ASTN2: variants seen among roughly 807,000 people sequenced by gnomAD.
ASTN2 encodes astrotactin 2.
In ASTN2, 54 loss-of-function variants were observed where a neutral mutation model predicts 139.8. The observed-to-expected ratio is 0.39, with a 90% CI of 0.31 to 0.48. The LOEUF is 0.48. Ranked by LOEUF, ASTN2 falls within the 20% of genes least tolerant of loss-of-function variation. The probability of loss-of-function intolerance (pLI) is 0.95; values close to 1 mark genes in which losing one functional copy is unlikely to be tolerated. For synonymous variants in ASTN2, 756 were observed against 719.5 expected (o/e 1.05, Z -0.81); for missense variants, 1,565 against 1,725.1 (o/e 0.91, Z 1.64).
chr9:117,020,002 CTG>C (rs57575432), intron 6 of ASTN2, among the ~76,000 whole-genome samples: 27,419 of 140,490 alleles, frequency 0.2, 2,290 homozygotes, highest in South Asian at 0.26. Context: ...TTCAGGGTTT[CTG>C]TGTGTGTGTG....
chr9:117,196,361 C>A (rs2132979959), intron 3 of ASTN2, among the ~76,000 whole-genome samples: 1 of 152,224 alleles, frequency 6.6e-6, no homozygotes, highest in Non-Finnish European at 1.5e-5. Flanking sequence ...TCCTTCCATC[C>A]ATCTTCTACT....
intron 16 of ASTN2, among the ~76,000 whole-genome samples, chr9:116,655,873 TTTGTTGTTG>T (rs1554726447): frequency 6.6e-6 from 1 of 151,362 alleles, no homozygotes; most frequent in African/African-American, 2.4e-5. Flanking sequence ...TCTTGTGTTT[TTTGTTGTTG>T]TTGTTGTTGT....
At chr9:116,451,569 G>A (rs1342355596) in intron 20 of ASTN2, among the ~76,000 whole-genome samples, 1 of 152,044 alleles carries the variant, frequency 6.6e-6, no homozygotes, top group East Asian at 1.9e-4. Context: ...ATGTATTCTT[G>A]CCCCTATGTT....
At chr9:117,000,470 C>G (rs1837163419) in intron 7 of ASTN2, among the ~76,000 whole-genome samples, 1 of 152,220 alleles carries the variant, frequency 6.6e-6, no homozygotes. Context: ...ATTTACAGAA[C>G]TTGGTGTGAT....
At chr9:117,373,986 A>T (rs1004610518) in intron 1 of ASTN2, among the ~76,000 whole-genome samples, 4 of 152,122 alleles carry the variant, frequency 2.6e-5, no homozygotes, top group African/African-American at 9.6e-5. Flanking sequence ...AATTTTTTAC[A>T]ACATCAAATG....
intron 22 of ASTN2, among the ~76,000 whole-genome samples, chr9:116,436,460 A>T (rs989998509): frequency 6.6e-6 from 1 of 152,166 alleles, no homozygotes; most frequent in East Asian, 1.9e-4. Context: ...TCAACAACTA[A>T]TTATTTAGCA....
intron 19 of ASTN2, chr9:116,504,312 A>G (rs1001788979): frequency 6.6e-6 from 1 of 152,170 alleles, no homozygotes; most frequent in East Asian, 1.9e-4. Context: ...GTGCGACTGC[A>G]TCTGACATCG....
chr9:116,495,654 C>T (rs1404589560), intron 19 of ASTN2, among the ~76,000 whole-genome samples: 1 of 152,084 alleles, frequency 6.6e-6, no homozygotes, highest in Non-Finnish European at 1.5e-5. Context: ...TTTATGATTG[C>T]CATTTTATAA....
chr9:116,893,159 TCACACACACACA>T (rs56263614), intron 10 of ASTN2, among the ~76,000 whole-genome samples: 12 of 149,344 alleles, frequency 8.0e-5, no homozygotes, highest in East Asian at 4.0e-4. Flanking sequence ...TAAAGGTGTA[TCACACACACACA>T]CACACACACA....
intron 19 of ASTN2, among the ~76,000 whole-genome samples, chr9:116,497,332 T>C (rs1187398142): frequency 6.6e-6 from 1 of 152,160 alleles, no homozygotes; most frequent in Non-Finnish European, 1.5e-5. Flanking sequence ...CTTGTTAGCC[T>C]CACTGTTCAA....
chr9:117,227,946 T>A (rs571595895), intron 2 of ASTN2, among the ~76,000 whole-genome samples: 2 of 152,292 alleles, frequency 1.3e-5, no homozygotes, highest in Admixed American at 1.3e-4. Context: ...TATTACTATA[T>A]CTAGATGGAA....
intron 2 of ASTN2, among the ~76,000 whole-genome samples, chr9:117,228,936 G>A (rs1832800657): frequency 1.3e-5 from 2 of 152,042 alleles, no homozygotes; most frequent in Non-Finnish European, 2.9e-5. Context: ...CCTGGGAGGC[G>A]GAGGTTAAAG....
At chr9:117,052,945 A>G (rs1161757230) in intron 5 of ASTN2, among the ~76,000 whole-genome samples, 1 of 152,238 alleles carries the variant, frequency 6.6e-6, no homozygotes, top group Non-Finnish European at 1.5e-5. Context: ...TCATGCCAGG[A>G]GAGGACACCA....
chr9:117,369,451 C>A (rs542025623), intron 1 of ASTN2, among the ~76,000 whole-genome samples: 5 of 152,170 alleles, frequency 3.3e-5, no homozygotes, highest in Non-Finnish European at 7.4e-5. Flanking sequence ...ATACCCATTT[C>A]ATATGGTAGA....
chr9:117,111,695 G>A (rs1231339101), intron 4 of ASTN2, among the ~76,000 whole-genome samples: 1 of 152,012 alleles, frequency 6.6e-6, no homozygotes, highest in African/African-American at 2.4e-5. Flanking sequence ...AATTCGCAAA[G>A]CTCATGGAAA....
At chr9:116,886,222 C>T (rs571712805) in intron 10 of ASTN2, among the ~76,000 whole-genome samples, 1 of 152,278 alleles carries the variant, frequency 6.6e-6, no homozygotes, top group East Asian at 1.9e-4. Context: ...TAGACAAGGC[C>T]ACTAATTGGC....
chr9:116,834,859 G>T (rs1316469426), intron 11 of ASTN2, among the ~76,000 whole-genome samples: 4 of 152,178 alleles, frequency 2.6e-5, no homozygotes. Flanking sequence ...ACTGGCCTGG[G>T]CAACATAGTG....
chr9:117,308,213 A>AAATC (rs112764473), intron 1 of ASTN2, among the ~76,000 whole-genome samples: 24,409 of 150,240 alleles, frequency 0.16, 2,103 homozygotes, highest in African/African-American at 0.2. Context: ...TGCTGGGGCA[A>AAATC]AATCAATCAA....
chr9:116,906,282 G>A (rs898950480), intron 10 of ASTN2, among the ~76,000 whole-genome samples: 2 of 152,184 alleles, frequency 1.3e-5, no homozygotes, highest in Non-Finnish European at 1.5e-5. Context: ...TGGGAAAGTG[G>A]CCCAGAAAGG....
Sources: allele counts gnomAD v4.1 joint callset (sites outside exome capture counted in the v4.1 genomes callset), GRCh38; gene constraint gnomAD v4.1.1; transcripts MANE v1.5; gene names NCBI Gene and HGNC (gene_info 2026-07-23, HGNC 2026-07-21).